The following FBXO31 variants were observed in gnomAD, a reference collection of about 807,000 sequenced individuals.
FBXO31 encodes the protein F-box protein 31.
In FBXO31, 24 loss-of-function variants were observed where a neutral mutation model predicts 54.4. The observed-to-expected ratio is 0.44, with a 90% CI of 0.32 to 0.62. The LOEUF is 0.62. Ranked by LOEUF, FBXO31 falls within the 20% of genes least tolerant of loss-of-function variation. The pLI, the probability that FBXO31 is intolerant of heterozygous loss-of-function variation, is 0.05. For missense variants in FBXO31, 665 were observed against 787.1 expected (o/e 0.84, Z 1.86); for synonymous variants, 388 against 335.6 (o/e 1.16, Z -1.71).
intron 1 of FBXO31, among the ~76,000 whole-genome samples, chr16:87,360,861 A>G (rs925892847): frequency 2.6e-5 from 4 of 152,174 alleles, no homozygotes; most frequent in Admixed American, 2.6e-4. Context: ...GAAGGGGTGA[A>G]CATTGTCCCT....
At chr16:87,344,114 G>C (rs1253785751) in intron 3 of FBXO31, among the ~76,000 whole-genome samples, 1 of 152,284 alleles carries the variant, frequency 6.6e-6, no homozygotes, top group African/African-American at 2.4e-5. Flanking sequence ...AGGAGGCTTT[G>C]AGATGATCAG....
chr16:87,368,730 G>A lies in FBXO31; in HGVS notation c.341-8364C>T, dbSNP rs565888847. The stretch of plus-strand genomic sequence containing the variant: ...ATAACCTCAGTCCAACATGATTGGA[G>A]GTTGGCAAAATCTACTGAAGCAGCT... On this transcript the variant is annotated intron_variant, in intron 1 of 8. Transcript: ENST00000311635. 1.2e-4 allele frequency among the ~76,000 whole-genome samples: 19 copies of A among 152,070 alleles called. 1 individual carries two copies. The South Asian group carries it at 3.5e-3, about 28-fold the overall frequency.
intron 5 of FBXO31, among the ~76,000 whole-genome samples, chr16:87,342,441 T>A (rs1336920424): frequency 6.6e-6 from 1 of 152,108 alleles, no homozygotes; most frequent in South Asian, 2.1e-4. Flanking sequence ...AGGCAAACAA[T>A]CACACACAGG....
rs763286218 is a variant in FBXO31, at chr16:87,333,998, C to T, written c.1285G>A (p.Asp429Asn). Residue 429 changes from aspartate to asparagine, a missense_variant, in exon 8 of 9, where the codon GAT becomes AAT. Coordinates refer to ENST00000311635, the MANE Select transcript of FBXO31 (RefSeq NM_024735.5). ...GGCTGCTCGGCCGCAGCTACGGCATCCCCAGGCTCGCCACCATCCTCACCA... is the reference window on the plus strand; with the variant it reads ...GGCTGCTCGGCCGCAGCTACGGCATTCCCAGGCTCGCCACCATCCTCACCA... The part of the protein sequence containing the change: ...TPGEDGGEPG[D>N]AVAAAEQPAQ... 2 of 1,612,860 alleles carry T rather than the reference C, an allele frequency of 1.2e-6. No individual in the cohort carries two copies. Among genetic ancestry groups the T allele is most frequent in the Non-Finnish European group, 1.7e-6 (2 of 1,179,822 alleles).
At chr16:87,353,967 G>A (rs549978157) in intron 2 of FBXO31, among the ~76,000 whole-genome samples, 6 of 152,358 alleles carry the variant, frequency 3.9e-5, no homozygotes, top group African/African-American at 1.2e-4. Flanking sequence ...GGATGCGGAC[G>A]TCTCTGCGGC....
intron 1 of FBXO31, among the ~76,000 whole-genome samples, chr16:87,374,405 G>A (rs1906735162): frequency 6.6e-6 from 1 of 152,088 alleles, no homozygotes; most frequent in South Asian, 2.1e-4. Context: ...TCGCTTTATT[G>A]TATAATAAAG....
chr16:87,385,854 T>C (rs1356490737), upstream of FBXO31, among the ~76,000 whole-genome samples: 1 of 151,344 alleles, frequency 6.6e-6, no homozygotes, highest in South Asian at 2.1e-4. Flanking sequence ...ACTGAAAAAA[T>C]GCAAAAATTA....
chr16:87,343,667 C>T lies in FBXO31; in HGVS notation c.588G>A (p.Leu196=). The T allele has an allele frequency of 6.2e-7, 1 of 1,614,226 alleles. No homozygotes were observed. The highest frequency in any genetic ancestry group is 8.5e-7 in the Non-Finnish European group (1 of 1,180,026). Residue 196 remains leucine, a synonymous_variant, in exon 4 of 9, where the codon CTG becomes CTA. Coordinates refer to ENST00000311635, the MANE Select transcript of FBXO31 (RefSeq NM_024735.5). The part of the protein sequence containing the change: ...MRFKPLFRIH[L]MERKAATVEC... ...CCACTGTGGCAGCCTTCCTCTCCAT[C>T]AGGTGGATCCTGAACAGAGGCTTGA...
chr16:87,343,072 G>T, intron 4 of FBXO31, 121 bp from the exon 5 acceptor site: 2 of 783,160 alleles, frequency 2.6e-6, no homozygotes, highest in Non-Finnish European at 4.1e-6. Context: ...CCCACTGCAG[G>T]CACCCAAGAT....
rs1226597727 is a variant in FBXO31, at chr16:87,345,622, G to A, written c.489+1552C>T. Among the ~76,000 whole-genome samples, 1 of 152,134 alleles carries A rather than the reference G, an allele frequency of 6.6e-6. No individual in the cohort carries two copies. The highest frequency in any genetic ancestry group is 1.5e-5 in the Non-Finnish European group (1 of 68,036). ...CATATCAAACCTGCCCTCCTGCTGA[G>A]ACCAGCCACGAAGACTGAACACTCT... is the stretch of plus-strand genomic sequence containing the variant. On this transcript the variant is annotated intron_variant, in intron 3 of 8. Transcript: ENST00000311635. The surrounding 1 kb of genome is among the most constrained non-coding windows in gnomAD (Gnocchi z 4.9).
chr16:87,374,016 G>A (rs1221015896), intron 1 of FBXO31, among the ~76,000 whole-genome samples: 1 of 152,106 alleles, frequency 6.6e-6, no homozygotes, highest in Non-Finnish European at 1.5e-5. Flanking sequence ...AAGGCAGGAG[G>A]TTCCCTTGAG....
At chr16:87,351,852 G>A (rs1256334589) in intron 2 of FBXO31, among the ~76,000 whole-genome samples, 1 of 152,098 alleles carries the variant, frequency 6.6e-6, no homozygotes, top group East Asian at 1.9e-4. Context: ...CTGGGCGACA[G>A]ACCGAGACTC....
In FBXO31 at chr16:87,336,742, C is replaced by G. The variant is rs1905056165; in HGVS notation, c.733-478G>C. Among the ~76,000 whole-genome samples the G allele has an allele frequency of 6.6e-6, 1 of 152,182 alleles. No individual in the cohort carries two copies. The highest frequency in any genetic ancestry group is 2.4e-5 in the African/African-American group (1 of 41,432). On this transcript the variant is annotated intron_variant, in intron 5 of 8. Coordinates refer to ENST00000311635, the MANE Select transcript of FBXO31 (RefSeq NM_024735.5). The surrounding 1 kb of genome is among the most constrained non-coding windows in gnomAD (Gnocchi z 6.5). ...GTGCGAGTCAGCCAAGGACGATGCA[C>G]TGAGCCCTCGGCCAGTGACTGGGTG...
intron 2 of FBXO31, among the ~76,000 whole-genome samples, chr16:87,351,397 G>T (rs1371193078): frequency 3.3e-5 from 5 of 152,030 alleles, no homozygotes; most frequent in Non-Finnish European, 5.9e-5. Flanking sequence ...TCCCTAAATT[G>T]GGCTCTGGTG....
rs538356306 is a variant in FBXO31, at chr16:87,368,294, G to A, written c.341-7928C>T. 8.5e-5 allele frequency among the ~76,000 whole-genome samples: 13 copies of A among 152,300 alleles called. No individual in the cohort carries two copies. The South Asian group carries it at 1.4e-3, about 17-fold the overall frequency. Reference sequence around the variant, plus strand: ...CCAACTGCTCCTTTAAGTAATGTTCGATATTTTCCACATGATGAAAAAAGT... The same window carrying A: ...CCAACTGCTCCTTTAAGTAATGTTCAATATTTTCCACATGATGAAAAAAGT... On this transcript the variant is annotated intron_variant, in intron 1 of 8. Transcript: ENST00000311635.
upstream of FBXO31, among the ~76,000 whole-genome samples, chr16:87,387,427 C>T (rs1435515725): frequency 6.6e-6 from 1 of 152,178 alleles, no homozygotes; most frequent in East Asian, 1.9e-4. Context: ...GAACTGATAA[C>T]ATCTAAGGAA....
Position 87,338,931 on chromosome 16 carries a change from T to C in FBXO31, c.733-2667A>G, listed in dbSNP as rs1270943571. Among the ~76,000 whole-genome samples the C allele has an allele frequency of 6.6e-6, 1 of 152,140 alleles. No homozygotes were observed. Among genetic ancestry groups the C allele is most frequent in the African/African-American group, 2.4e-5 (1 of 41,432 alleles). On this transcript the variant is annotated intron_variant, in intron 5 of 8. Coordinates refer to ENST00000311635, the MANE Select transcript of FBXO31 (RefSeq NM_024735.5). The surrounding 1 kb of genome is among the most constrained non-coding windows in gnomAD (Gnocchi z 4.3). ...TGGGGTCTTTTCCATGCTGCTCTCA[T>C]GATAGTGAATAAGTCTCACGAGATG...
intron 5 of FBXO31, among the ~76,000 whole-genome samples, chr16:87,341,794 T>C (rs1437548736): frequency 6.6e-6 from 1 of 152,214 alleles, no homozygotes; most frequent in Non-Finnish European, 1.5e-5. Flanking sequence ...TGCCATCTAT[T>C]CAAGAAAACA....
intron 5 of FBXO31, among the ~76,000 whole-genome samples, chr16:87,340,972 A>G (rs1905175341): frequency 6.6e-6 from 1 of 152,214 alleles, no homozygotes; most frequent in Non-Finnish European, 1.5e-5. Flanking sequence ...CACCAAACAG[A>G]AACAGAGGCA....
Sources: allele counts gnomAD v4.1 joint callset (sites outside exome capture counted in the v4.1 genomes callset), GRCh38; gene constraint gnomAD v4.1.1; non-coding constraint Gnocchi (gnomAD v3.1); transcripts MANE v1.5; gene names NCBI Gene and HGNC (gene_info 2026-07-23, HGNC 2026-07-21).